Variants in ARL15 observed in about 807,000 individuals in gnomAD.
The protein encoded by ARL15 is ARF like GTPase 15, also known as ADP-ribosylation factor-like protein 15.
In ARL15, 19 loss-of-function variants were observed where a neutral mutation model predicts 25.2. The ratio of observed to expected loss-of-function variants is 0.75; its 90% confidence interval spans 0.53 to 1.10. The LOEUF is 1.10. Among genes scored for constraint, ARL15 ranks in the 50% least tolerant of loss-of-function variants. The pLI is 0.00. For missense variants in ARL15, 220 were observed against 246.0 expected (o/e 0.89, Z 0.71); for synonymous variants, 94 against 86.8 (o/e 1.08, Z -0.46).
intron 4 of ARL15, among the ~76,000 whole-genome samples, chr5:54,025,297 A>C (rs1039175463): frequency 1.9e-4 from 28 of 150,976 alleles, no homozygotes; most frequent in Admixed American, 2.6e-4. Flanking sequence ...CAAAAAAAAA[A>C]AAAAAAAAAA....
intron 1 of ARL15, among the ~76,000 whole-genome samples, chr5:54,297,407 C>T (rs1758495409): frequency 6.6e-6 from 1 of 152,198 alleles, no homozygotes; most frequent in South Asian, 2.1e-4. Context: ...TGGTTGCAGG[C>T]AGTTGTTGGA....
chr5:54,171,700 G>A, intron 2 of ARL15, 84 bp downstream of exon 2: 1 of 1,426,346 alleles, frequency 7.0e-7, no homozygotes, highest in Non-Finnish European at 9.4e-7. Flanking sequence ...ACTATAAGTA[G>A]AAGGGAGGGG....
intron 1 of ARL15, among the ~76,000 whole-genome samples, chr5:54,255,689 T>TG (rs139042804): frequency 0.016 from 2,387 of 152,302 alleles, 63 homozygotes; most frequent in African/African-American, 0.054. Flanking sequence ...ACTCATGTGA[T>TG]GGGCTGCAGC....
At chr5:54,193,971 TAC>T (rs1312116170) in intron 1 of ARL15, among the ~76,000 whole-genome samples, 1 of 152,140 alleles carries the variant, frequency 6.6e-6, no homozygotes, top group Non-Finnish European at 1.5e-5. Flanking sequence ...TGATATTAAA[TAC>T]AGTTATTTAA....
intron 1 of ARL15, among the ~76,000 whole-genome samples, chr5:54,278,533 A>C (rs1757977284): frequency 6.6e-6 from 1 of 152,202 alleles, no homozygotes; most frequent in Non-Finnish European, 1.5e-5. Flanking sequence ...TTAGAATAAC[A>C]CTATCTCCTG....
At chr5:53,900,883 C>G (rs1487806863) in intron 4 of ARL15, among the ~76,000 whole-genome samples, 1 of 152,148 alleles carries the variant, frequency 6.6e-6, no homozygotes, top group Non-Finnish European at 1.5e-5. Flanking sequence ...GAAAAGTAAA[C>G]AACCTATCCT....
intron 4 of ARL15, among the ~76,000 whole-genome samples, chr5:54,020,319 C>G (rs1041249908): frequency 5.3e-5 from 8 of 152,114 alleles, no homozygotes; most frequent in East Asian, 1.9e-4. Context: ...GGCCACCCCC[C>G]TGCAGTGTCA....
intron 1 of ARL15, among the ~76,000 whole-genome samples, chr5:54,196,984 A>C (rs1423608): frequency 0.044 from 6,696 of 152,248 alleles, 198 homozygotes; most frequent in East Asian, 0.14. Context: ...ACTCTGAAGA[A>C]TATACTAGTC....
Position 54,104,720 on chromosome 5 carries a change from C to T in ARL15, c.462+8482G>A, listed in dbSNP as rs140641243. 1.2e-4 allele frequency among the ~76,000 whole-genome samples: 18 copies of T among 152,166 alleles called. No homozygotes were observed. In the East Asian group the frequency reaches 3.5e-3, roughly 29 times the overall value. ...GAGATACTGAAGTAGAAATCAATGG[C>T]TATGTTTTCAGAACCTTTTAAGAAG... is the stretch of plus-strand genomic sequence containing the variant. On this transcript the variant is annotated intron_variant, in intron 4 of 4. Transcript: ENST00000504924.
At chr5:54,065,650 A>C (rs1230001767) in intron 4 of ARL15, among the ~76,000 whole-genome samples, 1 of 150,072 alleles carries the variant, frequency 6.7e-6, no homozygotes, top group Non-Finnish European at 1.5e-5. Context: ...CCTGGGCAAC[A>C]GAGAGAGACT....
chr5:53,952,072 G>A (rs1746990337), intron 4 of ARL15, among the ~76,000 whole-genome samples: 1 of 151,812 alleles, frequency 6.6e-6, no homozygotes, highest in South Asian at 2.1e-4. Context: ...AGACCAGCCT[G>A]GCCAAGATGG....
chr5:54,251,068 G>A (rs1451792452), intron 1 of ARL15, among the ~76,000 whole-genome samples: 1 of 152,236 alleles, frequency 6.6e-6, no homozygotes, highest in East Asian at 1.9e-4. Flanking sequence ...GCATGGCTTG[G>A]AAAAGCTGAA....
chr5:54,176,102 T>G (rs1754863927), intron 1 of ARL15, among the ~76,000 whole-genome samples: 1 of 152,202 alleles, frequency 6.6e-6, no homozygotes. Context: ...TAGTTCCAGC[T>G]GTTCTATAAG....
At chr5:54,231,586 C>T (rs1357748770) in intron 1 of ARL15, among the ~76,000 whole-genome samples, 1 of 152,180 alleles carries the variant, frequency 6.6e-6, no homozygotes, top group Non-Finnish European at 1.5e-5. Flanking sequence ...TTAGCTTAGG[C>T]TACCATGACA....
intron 4 of ARL15, among the ~76,000 whole-genome samples, chr5:53,976,696 G>C (rs1238904201): frequency 6.6e-6 from 1 of 152,154 alleles, no homozygotes; most frequent in Admixed American, 6.5e-5. Flanking sequence ...CTCAATTTTT[G>C]GCATGTCGAG....
intron 4 of ARL15, among the ~76,000 whole-genome samples, chr5:53,898,047 CTATT>C (rs894046708): frequency 2.0e-5 from 3 of 152,018 alleles, no homozygotes; most frequent in Non-Finnish European, 4.4e-5. Context: ...AATATATTTA[CTATT>C]TATTAAGTGT....
chr5:54,157,327 T>C (rs941670639), intron 2 of ARL15, among the ~76,000 whole-genome samples: 3 of 152,258 alleles, frequency 2.0e-5, no homozygotes, highest in African/African-American at 7.2e-5. Flanking sequence ...TTATTGTCTT[T>C]AAATTCTTGC....
At chr5:54,155,680 TCACA>T (rs58416810) in intron 2 of ARL15, among the ~76,000 whole-genome samples, 9 of 149,940 alleles carry the variant, frequency 6.0e-5, no homozygotes, top group South Asian at 4.2e-4. Context: ...ATATACCCAT[TCACA>T]CACACACACA....
intron 4 of ARL15, among the ~76,000 whole-genome samples, chr5:54,094,900 A>G (rs1752238532): frequency 6.6e-6 from 1 of 152,234 alleles, no homozygotes; most frequent in South Asian, 2.1e-4. Flanking sequence ...CCCAATGGAT[A>G]TTGCCGACTT....
Sources: allele counts gnomAD v4.1 joint callset (sites outside exome capture counted in the v4.1 genomes callset), GRCh38; gene constraint gnomAD v4.1.1; transcripts MANE v1.5; gene names NCBI Gene and HGNC (gene_info 2026-07-23, HGNC 2026-07-21).